Variants in MTHFD1L observed in about 807,000 individuals in gnomAD.
MTHFD1L encodes the protein methylenetetrahydrofolate dehydrogenase (NADP+ dependent) 1 like, also known as monofunctional C1-tetrahydrofolate synthase, mitochondrial.
A neutral mutation model predicts 119.5 loss-of-function variants in MTHFD1L; 81 were observed. The observed-to-expected ratio is 0.68, with a 90% confidence interval of 0.57 to 0.82. MTHFD1L has a LOEUF of 0.82. Ranked by LOEUF, MTHFD1L falls within the 40% of genes least tolerant of loss-of-function variation. The pLI, the probability that MTHFD1L is intolerant of heterozygous loss-of-function variation, is 0.00. For synonymous variants in MTHFD1L, 430 were observed against 475.2 expected (o/e 0.90, Z 1.24); for missense variants, 1,125 against 1,253.4 (o/e 0.90, Z 1.55).
chr6:150,989,538 T>G (rs558099894), intron 20 of MTHFD1L, among the ~76,000 whole-genome samples: 9 of 152,348 alleles, frequency 5.9e-5, no homozygotes, highest in African/African-American at 2.2e-4. Flanking sequence ...TTATTTTAAG[T>G]AATAAAAGTT....
At chr6:151,037,676 G>C (rs549794239) in intron 26 of MTHFD1L, among the ~76,000 whole-genome samples, 1 of 152,150 alleles carries the variant, frequency 6.6e-6, no homozygotes, top group African/African-American at 2.4e-5. Context: ...CTGTTATTTT[G>C]TGTTATCTAT....
At chr6:151,022,126 T>TCA (rs1395059375) in intron 24 of MTHFD1L, 1 of 466,252 alleles carries the variant, frequency 2.1e-6, no homozygotes, top group Non-Finnish European at 4.5e-6. Flanking sequence ...CTTCTGAACT[T>TCA]CACGCTCTCA....
At chr6:150,921,086 G>A (rs9478854) in intron 9 of MTHFD1L, among the ~76,000 whole-genome samples, 13,356 of 151,040 alleles carry the variant, frequency 0.088, 834 homozygotes, top group African/African-American at 0.17. Flanking sequence ...TGAGTAGTTG[G>A]GATTACAGGC....
Position 151,039,552 on chromosome 6 carries a change from C to T in MTHFD1L, c.2847+2435C>T, listed in dbSNP as rs1253882677. On this transcript the variant is annotated intron_variant, in intron 26 of 27. Transcript: ENST00000367321. The surrounding 1 kb of genome is among the most constrained non-coding windows in gnomAD (Gnocchi z 4.4). ...TACAGGCTCATGCCACTGTGCCAGG[C>T]CTGTGTATAATTTAATTATACCTCA... Among the ~76,000 whole-genome samples, 1 of 152,076 alleles carries T rather than the reference C, an allele frequency of 6.6e-6. No individual in the cohort carries two copies. Among genetic ancestry groups the T allele is most frequent in the African/African-American group, 2.4e-5 (1 of 41,404 alleles).
intron 16 of MTHFD1L, among the ~76,000 whole-genome samples, chr6:150,951,212 A>C (rs1298454073): frequency 6.6e-6 from 1 of 151,326 alleles, no homozygotes; most frequent in African/African-American, 2.4e-5. Context: ...TCGTATTTTT[A>C]GTAGAGATGG....
intron 13 of MTHFD1L, among the ~76,000 whole-genome samples, chr6:150,943,940 T>C (rs753328110): frequency 8.5e-5 from 13 of 152,232 alleles, no homozygotes; most frequent in Admixed American, 5.9e-4. Context: ...TACTGTTTTC[T>C]AGATAATAAA....
intron 26 of MTHFD1L, among the ~76,000 whole-genome samples, chr6:151,037,628 T>A (rs944738838): frequency 6.6e-6 from 1 of 152,196 alleles, no homozygotes; most frequent in Non-Finnish European, 1.5e-5. Context: ...ATTTTTGATG[T>A]TGTTGTGATG....
At chr6:150,944,662 G>T (rs182149925) in intron 14 of MTHFD1L, 69 bp downstream of exon 14, 3 of 1,208,712 alleles carry the variant, frequency 2.5e-6, no homozygotes, top group Admixed American at 4.0e-5. Context: ...TAAGGAGTTT[G>T]TGGAAAGAAT....
chr6:150,957,218 G>C (rs1795779464), intron 17 of MTHFD1L, among the ~76,000 whole-genome samples: 1 of 152,110 alleles, frequency 6.6e-6, no homozygotes, highest in South Asian at 2.1e-4. Flanking sequence ...GTAAATATCT[G>C]TTGAACAAAT....
intron 26 of MTHFD1L, among the ~76,000 whole-genome samples, chr6:151,079,357 C>T (rs1289186359): frequency 6.6e-6 from 1 of 152,114 alleles, no homozygotes; most frequent in Non-Finnish European, 1.5e-5. Flanking sequence ...CAAAAAGACA[C>T]CACTGAGTGT....
intron 26 of MTHFD1L, among the ~76,000 whole-genome samples, chr6:151,064,747 C>G (rs1383343331): frequency 2.0e-5 from 3 of 151,972 alleles, no homozygotes; most frequent in Non-Finnish European, 2.9e-5. Flanking sequence ...TTCAAGGTAG[C>G]AAGTGTTTGC....
At chr6:151,089,101 A>G (rs887492599) in intron 26 of MTHFD1L, among the ~76,000 whole-genome samples, 1 of 152,224 alleles carries the variant, frequency 6.6e-6, no homozygotes, top group Admixed American at 6.5e-5. Context: ...CCTTGCTGTG[A>G]ATCATGTCAC....
intron 26 of MTHFD1L, chr6:151,088,154 A>T (rs1169708682): frequency 6.6e-6 from 1 of 152,212 alleles, no homozygotes; most frequent in African/African-American, 2.4e-5. Flanking sequence ...TCTTGCTAAC[A>T]TAATTCCACA....
chr6:151,087,591 C>T (rs936168518), intron 26 of MTHFD1L, among the ~76,000 whole-genome samples: 22 of 152,102 alleles, frequency 1.4e-4, no homozygotes, highest in African/African-American at 2.7e-4. Flanking sequence ...CTAAGTACAA[C>T]GATATTTTGG....
At chr6:151,006,415 G>T (rs1562526853) in intron 20 of MTHFD1L, among the ~76,000 whole-genome samples, 1 of 152,112 alleles carries the variant, frequency 6.6e-6, no homozygotes, top group East Asian at 1.9e-4. Flanking sequence ...CACGAAGTCT[G>T]AGGCAGGGAG....
At chr6:150,916,497 TTTGG>T (rs1562372749) in intron 8 of MTHFD1L, among the ~76,000 whole-genome samples, 12 of 44,878 alleles carry the variant, frequency 2.7e-4, no homozygotes, top group South Asian at 9.4e-4. Context: ...TTTTTTTTTT[TTTGG>T]TATTTTTAGT....
At chr6:150,963,502 T>A (rs1431160433) in intron 18 of MTHFD1L, among the ~76,000 whole-genome samples, 1 of 122,394 alleles carries the variant, frequency 8.2e-6, no homozygotes, top group African/African-American at 2.6e-5. Context: ...ATCTGTCAAT[T>A]TGAAGTTAAG....
rs547206409 is a variant in MTHFD1L at position 151,062,363 on chromosome 6, G to A, written c.2847+25246G>A. On this transcript the variant is annotated intron_variant, in intron 26 of 27. Coordinates refer to ENST00000367321, the MANE Select transcript of MTHFD1L (RefSeq NM_015440.5). The stretch of plus-strand genomic sequence containing the variant: ...TGAGGTAGGAGAATGGCGTGAATCC[G>A]GGGGGCAGAGCTTGCAGTGAGCCAA... Among the ~76,000 whole-genome samples the A allele has an allele frequency of 1.9e-3, 296 of 152,210 alleles. 1 individual carries two copies. Among genetic ancestry groups the A allele is most frequent in the African/African-American group, 5.9e-3 (244 of 41,546 alleles).
chr6:150,967,440 A>T (rs1442076781), intron 19 of MTHFD1L, among the ~76,000 whole-genome samples: 1 of 152,078 alleles, frequency 6.6e-6, no homozygotes, highest in Non-Finnish European at 1.5e-5. Context: ...AGAATTAGCC[A>T]GGTGATGACT....
Sources: allele counts gnomAD v4.1 joint callset (sites outside exome capture counted in the v4.1 genomes callset), GRCh38; gene constraint gnomAD v4.1.1; non-coding constraint Gnocchi (gnomAD v3.1); transcripts MANE v1.5; gene names NCBI Gene and HGNC (gene_info 2026-07-23, HGNC 2026-07-21).